The following DOCK10 variants were observed in gnomAD, a reference collection of about 807,000 sequenced individuals.
DOCK10 encodes dedicator of cytokinesis protein 10.
DOCK10 carries 145 observed loss-of-function variants against 280.1 expected under a neutral mutation model. That is an observed-to-expected ratio of 0.52 (90% CI 0.45 to 0.59). The LOEUF (loss-of-function observed/expected upper bound fraction) is 0.59, where lower values mean the gene tolerates loss of function less well. DOCK10 is among the 20% of genes least tolerant of loss of function. DOCK10 has a pLI of 0.00. For synonymous variants in DOCK10, 915 were observed against 942.2 expected (o/e 0.97, Z 0.53); for missense variants, 2,368 against 2,651.7 (o/e 0.89, Z 2.35).
intron 41 of DOCK10, among the ~76,000 whole-genome samples, 152 bp from the exon 42 acceptor site, chr2:224,798,121 G>A (rs1267726502): frequency 1.3e-5 from 2 of 152,218 alleles, no homozygotes; most frequent in East Asian, 1.9e-4. Flanking sequence ...CATGTTTACT[G>A]TGAAACTTAC....
At chr2:224,964,615 C>T (rs1326212305) in intron 1 of DOCK10, among the ~76,000 whole-genome samples, 2 of 152,150 alleles carry the variant, frequency 1.3e-5, no homozygotes, top group Non-Finnish European at 2.9e-5. Context: ...ACCCATCGGC[C>T]CACCTTGGCC....
At chr2:224,804,051 A>G in intron 39 of DOCK10, 61 bp downstream of exon 39, 1 of 928,120 alleles carries the variant, frequency 1.1e-6, no homozygotes, top group Non-Finnish European at 1.7e-6. Context: ...TGACATGTGC[A>G]TATACAGACA....
intron 1 of DOCK10, among the ~76,000 whole-genome samples, chr2:225,012,659 A>G (rs763340732): frequency 1.3e-5 from 2 of 152,222 alleles, no homozygotes; most frequent in African/African-American, 4.8e-5. Context: ...CAAGTTGCAA[A>G]GCATTTATCT....
At chr2:224,845,730 T>A in intron 19 of DOCK10, 88 bp from the exon 20 acceptor site, 2 of 482,590 alleles carry the variant, frequency 4.1e-6, no homozygotes, top group Non-Finnish European at 6.1e-6. Context: ...TTAAACAATC[T>A]TTTTTTTTTT....
chr2:224,971,128 C>T (rs1384870025), intron 1 of DOCK10, among the ~76,000 whole-genome samples: 1 of 152,180 alleles, frequency 6.6e-6, no homozygotes, highest in Non-Finnish European at 1.5e-5. Flanking sequence ...AAATTTCTAA[C>T]ATTTTATTCT....
chr2:224,898,157 T>C (rs1350276987), intron 3 of DOCK10, among the ~76,000 whole-genome samples: 7 of 152,066 alleles, frequency 4.6e-5, no homozygotes, highest in Non-Finnish European at 5.9e-5. Flanking sequence ...GTGCACATCA[T>C]AGAAAGGTGG....
chr2:225,035,585 TATAA>T (rs1403112303), intron 1 of DOCK10, among the ~76,000 whole-genome samples: 20 of 109,466 alleles, frequency 1.8e-4, no homozygotes, highest in African/African-American at 8.6e-4. Flanking sequence ...TATATATATA[TATAA>T]CACTGAATCA....
At chr2:225,032,123 T>G (rs970328980) in intron 1 of DOCK10, among the ~76,000 whole-genome samples, 1 of 152,128 alleles carries the variant, frequency 6.6e-6, no homozygotes, top group African/African-American at 2.4e-5. Context: ...TAATTCTCTA[T>G]GAAAACCCCT....
Position 225,042,308 on chromosome 2 carries a change from G to A in DOCK10, c.67C>T (p.Arg23Trp), listed in dbSNP as rs1281718313. Residue 23 changes from arginine to tryptophan, a missense_variant, in exon 1 of 56, where the codon CGG (arginine) becomes TGG (tryptophan). Around this residue, in one of 2 missense-constraint regions of DOCK10, gnomAD observed 1,209 missense variants for 1,250.9 expected, o/e 0.97. Coordinates refer to ENST00000258390, the MANE Select transcript of DOCK10 (RefSeq NM_014689.3). This position sits in a 1 kb window ranked among gnomAD's most constrained non-coding sequence, Gnocchi z 5.1. Reference sequence around the variant, plus strand: ...GCGGCGGCGGACGCGGCGCTGTGCCGGAGCTCGGCCGCCTGCCCAGGTCTC... The same window carrying A: ...GCGGCGGCGGACGCGGCGCTGTGCCAGAGCTCGGCCGCCTGCCCAGGTCTC... ...LLRPGQAAEL[R>W]HSAASAAAVA... 1 of 1,355,932 alleles carries A rather than the reference G, an allele frequency of 7.4e-7. No individual in the cohort carries two copies. The highest frequency in any genetic ancestry group is 3.1e-5 in the East Asian group (1 of 32,186). 84.0% of individuals were successfully genotyped at this position (1,355,932 alleles called of 1,614,324 possible).
chr2:224,832,262 T>C (rs1187968711), intron 26 of DOCK10, among the ~76,000 whole-genome samples: 1 of 152,210 alleles, frequency 6.6e-6, no homozygotes, highest in Non-Finnish European at 1.5e-5. Context: ...AGAATGGAAC[T>C]ATCCTCTATG....
In DOCK10 at chr2:224,822,783, C is replaced by T. The variant is rs942407282; in HGVS notation, c.3183+718G>A. Among the ~76,000 whole-genome samples the T allele has an allele frequency of 5.3e-4, 80 of 152,028 alleles. 1 individual carries two copies. Among genetic ancestry groups the T allele is most frequent in the Non-Finnish European group, 1.9e-4 (13 of 68,010 alleles). On this transcript the variant is annotated intron_variant, in intron 28 of 55. Transcript: ENST00000258390. ...AATGCTAAATTCCTGAAGCGTTTCCCAAAGTGGCTATTTGGTATCACTGTC... is the reference window on the plus strand; with the variant it reads ...AATGCTAAATTCCTGAAGCGTTTCCTAAAGTGGCTATTTGGTATCACTGTC...
intron 25 of DOCK10, 75 bp downstream of exon 25, chr2:224,837,687 C>T (rs1695677130): frequency 1.5e-6 from 2 of 1,309,524 alleles, no homozygotes; most frequent in Admixed American, 1.7e-5. Context: ...AAACTTCCCA[C>T]TTACTGCAGA....
intron 1 of DOCK10, among the ~76,000 whole-genome samples, chr2:224,971,392 T>C (rs1705072340): frequency 6.6e-6 from 1 of 150,532 alleles, no homozygotes; most frequent in African/African-American, 2.4e-5. Flanking sequence ...AGGAGGTGGG[T>C]GGAATGGGAG....
At chr2:224,768,426 AGGCCTGT>A (rs1690202370) in intron 55 of DOCK10, among the ~76,000 whole-genome samples, 1 of 152,204 alleles carries the variant, frequency 6.6e-6, no homozygotes, top group East Asian at 1.9e-4. Context: ...TTCTATAACA[AGGCCTGT>A]GCAATCCATC....
In DOCK10 at chr2:224,773,349, T is replaced by C; in HGVS notation, c.6014-2A>G. 1 of 1,607,416 alleles carries C rather than the reference T, an allele frequency of 6.2e-7. No homozygotes were observed. Among genetic ancestry groups the C allele is most frequent in the Non-Finnish European group, 8.5e-7 (1 of 1,176,946 alleles). On this transcript the variant is annotated splice_acceptor_variant, in intron 52 of 55. Transcript: ENST00000258390. LOFTEE classifies it high-confidence loss of function. Reference sequence around the variant, plus strand: ...TCACGTAGGGGAACAGGTGACTCGCTGTACAAAAGCCATACAAAGGGATTT... The same window carrying C: ...TCACGTAGGGGAACAGGTGACTCGCCGTACAAAAGCCATACAAAGGGATTT...
At chr2:224,795,469 A>C (rs972268528) in intron 44 of DOCK10, among the ~76,000 whole-genome samples, 2 of 152,156 alleles carry the variant, frequency 1.3e-5, no homozygotes, top group Non-Finnish European at 2.9e-5. Flanking sequence ...TGATCCTCCA[A>C]GCTACAGTGA....
chr2:224,982,970 C>T (rs946079265), intron 1 of DOCK10, among the ~76,000 whole-genome samples: 1 of 152,158 alleles, frequency 6.6e-6, no homozygotes, highest in African/African-American at 2.4e-5. Context: ...CACGCATTAA[C>T]CAGCCCTGAG....
At chr2:224,911,354 C>T (rs1462547030) in intron 3 of DOCK10, among the ~76,000 whole-genome samples, 1 of 152,128 alleles carries the variant, frequency 6.6e-6, no homozygotes, top group Admixed American at 6.5e-5. Flanking sequence ...TCTATCTGGA[C>T]ATTTGAAGTT....
chr2:224,844,826 T>C lies in DOCK10; in HGVS notation c.2495A>G (p.Asp832Gly). The C allele has an allele frequency of 6.2e-7, 1 of 1,607,368 alleles. No homozygotes were observed. Among genetic ancestry groups the C allele is most frequent in the Non-Finnish European group, 8.5e-7 (1 of 1,176,426 alleles). ...TTTGCCACCATCAACCCATTTAATG[T>C]CACTCCCACCATGCTGCAAAATAAA... Reference protein sequence around the residue: ...DSASGKHGGSDIKWVDGGKPL... With the variant: ...DSASGKHGGSGIKWVDGGKPL... Residue 832 changes from aspartate to glycine, a missense_variant, in exon 22 of 56, where the codon GAC (aspartate) becomes GGC (glycine). Transcript: ENST00000258390.
Sources: gnomAD v4.1 joint callset for allele counts (sites outside exome capture counted in the v4.1 genomes callset) on GRCh38, gnomAD v4.1.1 for gene constraint, gnomAD v4.1.1 regional missense constraint, Gnocchi (gnomAD v3.1) non-coding constraint, MANE v1.5 for transcripts, NCBI Gene and HGNC (gene_info 2026-07-23, HGNC 2026-07-21) for gene names.